The following HUNK variants were observed in gnomAD, a reference collection of about 807,000 sequenced individuals.
The protein encoded by HUNK is hormonally up-regulated Neu-associated kinase, also known as hormonally up-regulated neu tumor-associated kinase.
A neutral mutation model predicts 61.0 loss-of-function variants in HUNK; 21 were observed. The ratio of observed to expected loss-of-function variants is 0.34; its 90% CI spans 0.24 to 0.50. The LOEUF is 0.50. Ranked by LOEUF, HUNK falls within the 20% of genes least tolerant of loss-of-function variation. The pLI is 0.98. For missense variants in HUNK, 772 were observed against 945.7 expected (o/e 0.82, Z 2.41); for synonymous variants, 371 against 386.1 (o/e 0.96, Z 0.46).
At chr21:31,953,826 A>G (rs1334248005) in intron 4 of HUNK, among the ~76,000 whole-genome samples, 5 of 152,182 alleles carry the variant, frequency 3.3e-5, no homozygotes, top group Non-Finnish European at 7.3e-5. Flanking sequence ...AATTCCTCCA[A>G]AAGAAATGGA....
rs955197967 is a variant in HUNK, at chr21:31,913,582, G to A, written c.262-10886G>A. Among the ~76,000 whole-genome samples the A allele has an allele frequency of 1.2e-4, 19 of 152,044 alleles. No individual in the cohort carries two copies. The East Asian group carries it at 3.3e-3, about 26-fold the overall frequency. On this transcript the variant is annotated intron_variant, in intron 1 of 10. Coordinates refer to ENST00000270112, the MANE Select transcript of HUNK (RefSeq NM_014586.2). ...GGAGCCCCAGAGAGGAGTTGGGGCC[G>A]GGGGAGGTGACAGGCTCGGAGGCCC...
intron 1 of HUNK, among the ~76,000 whole-genome samples, chr21:31,913,087 C>T (rs1026471422): frequency 1.6e-4 from 25 of 152,122 alleles, no homozygotes; most frequent in Non-Finnish European, 3.4e-4. Flanking sequence ...TCCCATGAGC[C>T]CAGCACTGTC....
chr21:31,990,304 G>A lies in HUNK; in HGVS notation c.1305+128G>A, dbSNP rs182514157. 8 of 882,696 alleles carry A rather than the reference G, an allele frequency of 9.1e-6. No homozygotes were observed. The East Asian group carries it at 2.1e-4, about 23-fold the overall frequency. The allele number at this position is 882,696 out of a possible 1,614,324, so 54.7% of individuals were successfully genotyped here. ...GAGTTGGCTCACACAGTTTTGTGGG[G>A]GTTGGCTGGAAGTCTGAAATCTGCA... On this transcript the variant is annotated intron_variant, in intron 9 of 10. Coordinates refer to ENST00000270112, the MANE Select transcript of HUNK (RefSeq NM_014586.2).
At position 31,873,971 on chromosome 21, in the gene HUNK, G is replaced by C. The variant is rs1317436278; in HGVS notation, c.261+36G>C. The C allele has an allele frequency of 1.4e-6, 2 of 1,423,566 alleles. No homozygotes were observed. The highest frequency in any genetic ancestry group is 1.5e-5 in the African/African-American group (1 of 68,432). 88.2% of individuals were successfully genotyped at this position (1,423,566 alleles called of 1,614,324 possible). A position where few individuals can be genotyped will look rare whatever the true frequency, so the allele number is the denominator to read the frequency against. On this transcript the variant is annotated intron_variant, in intron 1 of 10. Transcript: ENST00000270112. This position sits in a 1 kb window ranked among gnomAD's most constrained non-coding sequence, Gnocchi z 6.1. ...CGGGCGCCGTGGGGCTGGGGCACAG[G>C]GGCGGGAGTCGGCGGCCAGGACCCC... is the stretch of plus-strand genomic sequence containing the variant.
intron 6 of HUNK, among the ~76,000 whole-genome samples, chr21:31,973,456 G>A (rs141793699): frequency 3.2e-4 from 49 of 152,212 alleles, no homozygotes; most frequent in Admixed American, 5.9e-4. Flanking sequence ...ATCATTCTTT[G>A]TATCACTCTT....
chr21:31,964,240 T>C (rs1169434953), intron 5 of HUNK, among the ~76,000 whole-genome samples: 4 of 152,204 alleles, frequency 2.6e-5, no homozygotes, highest in Non-Finnish European at 5.9e-5. Flanking sequence ...CTAATTACGA[T>C]GTCCAAGAAG....
chr21:31,969,346 G>T (rs1015592258), intron 6 of HUNK, among the ~76,000 whole-genome samples: 1 of 152,146 alleles, frequency 6.6e-6, no homozygotes, highest in African/African-American at 2.4e-5. Context: ...GCCTTAAAAT[G>T]TGGGAGGCAG....
chr21:31,980,370 T>TG (rs2123240169), intron 7 of HUNK, among the ~76,000 whole-genome samples: 1 of 137,268 alleles, frequency 7.3e-6, no homozygotes, highest in African/African-American at 2.7e-5. Flanking sequence ...GCACCAGGCC[T>TG]GTCTTCTTCT....
chr21:31,976,013 C>T (rs553338394), intron 7 of HUNK, among the ~76,000 whole-genome samples: 4 of 152,276 alleles, frequency 2.6e-5, no homozygotes, highest in South Asian at 4.1e-4. Context: ...ATTGTGCTTC[C>T]GCAGGAAATT....
chr21:31,990,072 A>G, intron 8 of HUNK, 57 bp from the exon 9 acceptor site: 3 of 1,473,982 alleles, frequency 2.0e-6, no homozygotes, highest in Admixed American at 3.3e-5. Context: ...GGAAGCATTT[A>G]GGGAATAAAT....
chr21:31,893,401 G>A (rs952236775), intron 1 of HUNK, among the ~76,000 whole-genome samples: 17 of 152,168 alleles, frequency 1.1e-4, no homozygotes, highest in African/African-American at 3.9e-4. Flanking sequence ...ACAGCTTTTC[G>A]GAGCTGCTTC....
At chr21:31,956,694 T>C (rs901946445) in intron 4 of HUNK, among the ~76,000 whole-genome samples, 4 of 152,212 alleles carry the variant, frequency 2.6e-5, no homozygotes, top group African/African-American at 9.6e-5. Context: ...ACTGCGTCTT[T>C]GCCTTTCCCT....
At chr21:31,876,723 G>A (rs1601353812) in intron 1 of HUNK, among the ~76,000 whole-genome samples, 1 of 152,284 alleles carries the variant, frequency 6.6e-6, no homozygotes, top group South Asian at 2.1e-4. Flanking sequence ...GGTGACCCAG[G>A]GAGGCCTCTC....
At chr21:31,967,467 A>C (rs1431914973) in intron 5 of HUNK, among the ~76,000 whole-genome samples, 1 of 152,230 alleles carries the variant, frequency 6.6e-6, no homozygotes, top group Non-Finnish European at 1.5e-5. Context: ...AAAGGATGCA[A>C]ATGTTCTGCT....
rs749968935 is a variant in HUNK, at chr21:31,999,127, C to T, written c.2088C>T (p.Pro696=). The T allele has an allele frequency of 6.2e-7, 1 of 1,613,950 alleles. No homozygotes were observed. Among genetic ancestry groups the T allele is most frequent in the East Asian group, 2.2e-5 (1 of 44,892 alleles). The change falls in exon 11 of 11, where the codon CCC becomes CCT. Residue 696 remains proline, a synonymous_variant. Coordinates refer to ENST00000270112, the MANE Select transcript of HUNK (RefSeq NM_014586.2). ...AGGCCAGCCTGCCCCCACTGCAGCC[C>T]CTAGCCCCTGTGAACCTTGCCTTTG... ...PLEASLPPLQ[P]LAPVNLAFDM...
intron 4 of HUNK, among the ~76,000 whole-genome samples, chr21:31,952,561 CTT>C (rs890096276): frequency 6.6e-6 from 1 of 151,912 alleles, no homozygotes; most frequent in African/African-American, 2.4e-5. Flanking sequence ...TGTCTTTCCT[CTT>C]TGGGATGGCA....
intron 9 of HUNK, among the ~76,000 whole-genome samples, chr21:31,993,426 A>G (rs1163127779): frequency 1.3e-5 from 2 of 152,240 alleles, no homozygotes; most frequent in African/African-American, 4.8e-5. Context: ...TGATCGATTT[A>G]AAAAGCAATC....
At chr21:31,926,545 G>T (rs571987468) in intron 2 of HUNK, among the ~76,000 whole-genome samples, 1 of 151,808 alleles carries the variant, frequency 6.6e-6, no homozygotes, top group East Asian at 1.9e-4. Context: ...TTTACTTTCC[G>T]TGTCTATGGA....
chr21:31,920,314 T>A (rs1455263598), intron 1 of HUNK, among the ~76,000 whole-genome samples: 1 of 152,200 alleles, frequency 6.6e-6, no homozygotes, highest in Non-Finnish European at 1.5e-5. Context: ...CCAAATAAAG[T>A]CACATGATCC....
Sources: gnomAD v4.1 joint callset for allele counts (sites outside exome capture counted in the v4.1 genomes callset) on GRCh38, gnomAD v4.1.1 for gene constraint, Gnocchi (gnomAD v3.1) non-coding constraint, MANE v1.5 for transcripts, NCBI Gene and HGNC (gene_info 2026-07-23, HGNC 2026-07-21) for gene names.